Variants in LMF1 observed in about 807,000 individuals in gnomAD.
LMF1 encodes lipase maturation factor 1.
LMF1 carries 68 observed loss-of-function variants against 60.6 expected under a neutral mutation model. The observed-to-expected ratio is 1.12, with a 90% CI of 0.92 to 1.37. LMF1 has a LOEUF of 1.37. LMF1 is among the 40% of genes most tolerant of loss of function. LMF1 has a pLI of 0.00. For missense variants in LMF1, 948 were observed against 767.2 expected, an observed-to-expected ratio of 1.24 and a Z score of -2.78; for synonymous variants, 418 against 324.7, an observed-to-expected ratio of 1.29 and a Z score of -3.09.
In LMF1 at chr16:879,699, G is replaced by C. The variant is rs774441819; in HGVS notation, c.768C>G (p.His256Gln). Reference sequence around the variant, plus strand: ...AGCGATGGAACCACCAGGGTGAGTGGTGCAGGTAGTACGCCACAGGATTGG... The same window carrying C: ...AGCGATGGAACCACCAGGGTGAGTGCTGCAGGTAGTACGCCACAGGATTGG... ...PMPNPVAYYLHHSPWWFHRFE... is the reference protein window; with the variant it reads ...PMPNPVAYYLQHSPWWFHRFE... The change falls in exon 6 of 11, where the codon CAC (histidine) becomes CAG (glutamine). Residue 256 changes from histidine (H) to glutamine (Q), a missense_variant. Transcript: ENST00000262301. The C allele has an allele frequency of 1.9e-6, 3 of 1,602,930 alleles. No homozygotes were observed. Among genetic ancestry groups the C allele is most frequent in the South Asian group, 1.1e-5 (1 of 88,704 alleles).
intron 6 of LMF1, chr16:871,647 C>T (rs1306548538): frequency 2.9e-6 from 1 of 342,970 alleles, no homozygotes; most frequent in African/African-American, 2.1e-5. Flanking sequence ...ACCACCAGAC[C>T]CTGTGCCCTC....
chr16:923,335 T>G (rs1597003056), intron 3 of LMF1, among the ~76,000 whole-genome samples: 1 of 152,084 alleles, frequency 6.6e-6, no homozygotes, highest in Non-Finnish European at 1.5e-5. Context: ...TCCTCCCCAT[T>G]GCGTGGCTTC....
chr16:906,011 T>C (rs992169930), intron 4 of LMF1, among the ~76,000 whole-genome samples: 6 of 152,190 alleles, frequency 3.9e-5, no homozygotes, highest in Non-Finnish European at 8.8e-5. Context: ...TGTTAATGGT[T>C]TTAGCTTTTA....
intron 1 of LMF1, chr16:979,256 G>T (rs1012290571): frequency 2.7e-6 from 1 of 370,614 alleles, no homozygotes. Flanking sequence ...GGGACTTCAA[G>T]GTGGACCAGA....
chr16:932,292 C>A (rs1333351483), intron 3 of LMF1, among the ~76,000 whole-genome samples: 1 of 152,220 alleles, frequency 6.6e-6, no homozygotes, highest in East Asian at 1.9e-4. Context: ...GGCCCTGGTG[C>A]TGAGACACGG....
chr16:939,991 A>T (rs2072052312), intron 2 of LMF1, among the ~76,000 whole-genome samples: 1 of 152,142 alleles, frequency 6.6e-6, no homozygotes, highest in Non-Finnish European at 1.5e-5. Context: ...GTCCTGGACT[A>T]TGTGATCACA....
At chr16:856,029 C>A (rs891022484) in intron 10 of LMF1, 27 of 452,422 alleles carry the variant, frequency 6.0e-5, no homozygotes, top group African/African-American at 4.6e-4. Context: ...CAGAGACCCT[C>A]TGGGTGGAGG....
chr16:870,084 C>A lies in LMF1; in HGVS notation c.1233-18G>T. 6.3e-7 allele frequency: 1 copy of A among 1,599,758 alleles called. No individual in the cohort carries two copies. ...TGGTGATGCTGCCGGGAGACCGAGG[C>A]AGGCCAGGCCCACGTCACACACCGG... On this transcript the variant is annotated intron_variant, in intron 8 of 10. Transcript: ENST00000262301.
rs559859004 is a variant in LMF1 at position 924,593 on chromosome 16, C to T, written c.514+9651G>A. Among the ~76,000 whole-genome samples the T allele has an allele frequency of 3.3e-5, 5 of 152,288 alleles. No homozygotes were observed. In the East Asian group the frequency reaches 5.8e-4, roughly 18 times the overall value. ...GAAGGTTATAAAACCACACCATCGG[C>T]CACTGTCAGGGGCAGCCGGGGGTCT... On this transcript the variant is annotated intron_variant, in intron 3 of 10. Coordinates refer to ENST00000262301, the MANE Select transcript of LMF1 (RefSeq NM_022773.4).
chr16:876,436 G>A (rs200556966), intron 6 of LMF1, among the ~76,000 whole-genome samples: 5 of 152,168 alleles, frequency 3.3e-5, no homozygotes, highest in Admixed American at 2.0e-4. Flanking sequence ...GCAACACTGC[G>A]AATGGCTCTC....
chr16:977,923 C>CG (rs1298820106), intron 1 of LMF1, among the ~76,000 whole-genome samples: 6 of 129,014 alleles, frequency 4.7e-5, no homozygotes, highest in African/African-American at 2.1e-4. Context: ...CACACACATA[C>CG]CACACACATA....
At chr16:934,745 T>C (rs1387111634) in intron 2 of LMF1, among the ~76,000 whole-genome samples, 1 of 152,222 alleles carries the variant, frequency 6.6e-6, no homozygotes, top group Non-Finnish European at 1.5e-5. Context: ...GTGACCCGCT[T>C]CTTACCCTCA....
chr16:891,789 T>C (rs2070496858), intron 5 of LMF1, among the ~76,000 whole-genome samples: 1 of 152,214 alleles, frequency 6.6e-6, no homozygotes, highest in South Asian at 2.1e-4. Flanking sequence ...GCAGGGTGGC[T>C]GGCGTGGGCT....
chr16:891,170 C>T (rs1239455631), intron 5 of LMF1, among the ~76,000 whole-genome samples: 1 of 152,200 alleles, frequency 6.6e-6, no homozygotes, highest in Non-Finnish European at 1.5e-5. Context: ...TGTGGGCCCC[C>T]CCGGCCCGCC....
intron 5 of LMF1, among the ~76,000 whole-genome samples, chr16:891,916 G>A (rs1318214652): frequency 1.3e-5 from 2 of 152,242 alleles, no homozygotes; most frequent in African/African-American, 4.8e-5. Context: ...TTACTTTCTG[G>A]TATTTCACAG....
chr16:857,791 T>C (rs868313621), intron 10 of LMF1, among the ~76,000 whole-genome samples: 354 of 5,138 alleles, frequency 0.069, 70 homozygotes, highest in Non-Finnish European at 0.075. Flanking sequence ...TGTCTCGGGA[T>C]GGGTGTGCGT....
intron 1 of LMF1, among the ~76,000 whole-genome samples, chr16:958,905 A>AAAC (rs201709162): frequency 4.0e-4 from 57 of 143,804 alleles, no homozygotes; most frequent in African/African-American, 1.2e-3. Flanking sequence ...CCAAAAAAAC[A>AAAC]AAACAAAAAA....
At chr16:866,433 T>A (rs2069612608) in intron 10 of LMF1, among the ~76,000 whole-genome samples, 1 of 151,982 alleles carries the variant, frequency 6.6e-6, no homozygotes, top group Non-Finnish European at 1.5e-5. Context: ...GTGGTGAAGG[T>A]CCTGACTTTC....
chr16:879,811 C>T, intron 5 of LMF1, 74 bp from the exon 6 acceptor site: 4 of 1,433,818 alleles, frequency 2.8e-6, no homozygotes, highest in Non-Finnish European at 2.9e-6. Flanking sequence ...CTTGTGGGTC[C>T]CTGGCCCCCT....
Sources: allele counts gnomAD v4.1 joint callset (sites outside exome capture counted in the v4.1 genomes callset), GRCh38; gene constraint gnomAD v4.1.1; transcripts MANE v1.5; gene names NCBI Gene and HGNC (gene_info 2026-07-23, HGNC 2026-07-21).